The following TSPAN2 variants were observed in gnomAD, a reference collection of about 807,000 sequenced individuals.
TSPAN2 encodes tetraspanin 2.
In TSPAN2, 24 loss-of-function variants were observed where a neutral mutation model predicts 33.3. The ratio of observed to expected loss-of-function variants is 0.72; its 90% CI spans 0.52 to 1.01. TSPAN2 has a LOEUF of 1.01. Ranked by LOEUF, TSPAN2 falls within the 50% of genes least tolerant of loss-of-function variation. The pLI is 0.00. For missense variants in TSPAN2, 278 were observed against 281.3 expected (o/e 0.99, Z 0.08); for synonymous variants, 114 against 104.5 (o/e 1.09, Z -0.56).
chr1:115,079,865 A>T (rs897773595), intron 1 of TSPAN2, among the ~76,000 whole-genome samples: 6 of 152,254 alleles, frequency 3.9e-5, no homozygotes, highest in African/African-American at 1.4e-4. Flanking sequence ...AGGTAAGAGT[A>T]TATTTTATAA....
chr1:115,049,205 G>A lies in TSPAN2; in HGVS notation c.*1285C>T, dbSNP rs977070278. ...TGGGTTTACTAAGTTAAAATGAAGC[G>A]TTAAGACCAAAAAAACATTGAAAAT... On this transcript the variant is annotated 3_prime_UTR_variant, in exon 8 of 8. Transcript: ENST00000369516. The A allele has an allele frequency of 6.6e-6, 1 of 152,020 alleles. No homozygotes were observed. Among genetic ancestry groups the A allele is most frequent in the Admixed American group, 6.6e-5 (1 of 15,266 alleles). The allele number at this position is 152,020 out of a possible 1,614,324, so 9.4% of individuals were successfully genotyped here. A position where few individuals can be genotyped will look rare whatever the true frequency, so the allele number is the denominator to read the frequency against.
intron 1 of TSPAN2, among the ~76,000 whole-genome samples, chr1:115,081,625 C>T (rs983583262): frequency 2.0e-4 from 30 of 152,322 alleles, no homozygotes; most frequent in African/African-American, 7.0e-4. Context: ...GGGCAAGCCA[C>T]TTAACCTCTC....
At chr1:115,050,954 T>A (rs1372196445) in intron 7 of TSPAN2, among the ~76,000 whole-genome samples, 4 of 152,166 alleles carry the variant, frequency 2.6e-5, no homozygotes, top group Non-Finnish European at 4.4e-5. Flanking sequence ...ATGCTTGTGG[T>A]CTAAATAATT....
At chr1:115,067,086 A>G (rs981248355) in intron 2 of TSPAN2, among the ~76,000 whole-genome samples, 2 of 152,232 alleles carry the variant, frequency 1.3e-5, no homozygotes, top group South Asian at 4.1e-4. Context: ...CTGAGACACC[A>G]AGAAATTAAA....
intron 4 of TSPAN2, among the ~76,000 whole-genome samples, chr1:115,060,258 A>G (rs1266981415): frequency 6.6e-6 from 1 of 152,156 alleles, no homozygotes; most frequent in Non-Finnish European, 1.5e-5. Context: ...GAAGAGATGA[A>G]CTATCTCCCC....
chr1:115,084,192 A>G (rs527844243), intron 1 of TSPAN2, among the ~76,000 whole-genome samples: 380 of 152,340 alleles, frequency 2.5e-3, no homozygotes, highest in Non-Finnish European at 4.7e-3. Context: ...CTGATATGTT[A>G]TTATTTACTG....
intron 6 of TSPAN2, among the ~76,000 whole-genome samples, chr1:115,054,094 T>G (rs746328106): frequency 1.5e-4 from 23 of 152,212 alleles, no homozygotes; most frequent in Non-Finnish European, 2.6e-4. Context: ...AGGGCCTTCA[T>G]GGATGTGGGG....
intron 1 of TSPAN2, among the ~76,000 whole-genome samples, chr1:115,087,182 G>A (rs1360357921): frequency 2.0e-5 from 3 of 151,914 alleles, no homozygotes; most frequent in African/African-American, 7.3e-5. Flanking sequence ...GCCTCCTAAA[G>A]TGCTGGGATT....
intron 2 of TSPAN2, among the ~76,000 whole-genome samples, chr1:115,070,874 A>T (rs1223434096): frequency 6.6e-6 from 1 of 152,152 alleles, no homozygotes; most frequent in African/African-American, 2.4e-5. Context: ...TACAAGTTAC[A>T]TGGGGGCGGT....
At chr1:115,085,725 A>G (rs1451756278) in intron 1 of TSPAN2, among the ~76,000 whole-genome samples, 1 of 152,150 alleles carries the variant, frequency 6.6e-6, no homozygotes, top group African/African-American at 2.4e-5. Flanking sequence ...TCCCTCAGTT[A>G]CAGTGAAGGC....
At chr1:115,087,980 T>C (rs1273241618) in intron 1 of TSPAN2, among the ~76,000 whole-genome samples, 1 of 152,246 alleles carries the variant, frequency 6.6e-6, no homozygotes, top group African/African-American at 2.4e-5. Context: ...AGGTTGTCAC[T>C]GTGGCGTGAC....
At chr1:115,070,347 G>T (rs1165288633) in intron 2 of TSPAN2, among the ~76,000 whole-genome samples, 2 of 147,290 alleles carry the variant, frequency 1.4e-5, no homozygotes, top group Non-Finnish European at 3.0e-5. Context: ...ACCCTAATTT[G>T]TCCGGCCTGA....
intron 6 of TSPAN2, among the ~76,000 whole-genome samples, chr1:115,054,041 C>A (rs970767949): frequency 6.6e-6 from 1 of 152,128 alleles, no homozygotes; most frequent in Non-Finnish European, 1.5e-5. Context: ...AGTTCCTATC[C>A]TTTCATCTGT....
chr1:115,071,811 G>A (rs1410002201), intron 2 of TSPAN2, among the ~76,000 whole-genome samples: 1 of 152,234 alleles, frequency 6.6e-6, no homozygotes, highest in East Asian at 1.9e-4. Context: ...AGGATGCTGT[G>A]TGGGAAGAGT....
chr1:115,060,936 G>C (rs1647693631), intron 3 of TSPAN2, among the ~76,000 whole-genome samples: 1 of 152,178 alleles, frequency 6.6e-6, no homozygotes, highest in South Asian at 2.1e-4. Context: ...TATAAAATAA[G>C]GTCAGGAGAG....
rs1648564830 is a variant in TSPAN2 at position 115,080,029 on chromosome 1, C to A, written c.70-7022G>T. The stretch of plus-strand genomic sequence containing the variant: ...TTTGTTTAAATTGTTATAAAGTTAA[C>A]TTGCATGGGTCAACCAACATTGCTG... On this transcript the variant is annotated intron_variant, in intron 1 of 7. Transcript: ENST00000369516. Among the ~76,000 whole-genome samples, 2 of 152,192 alleles carry A rather than the reference C, an allele frequency of 1.3e-5. 1 individual carries two copies. The highest frequency in any genetic ancestry group is 4.1e-4 in the South Asian group (2 of 4,832).
At chr1:115,089,312 G>GCCCCCCCC in intron 1 of TSPAN2, 52 bp downstream of exon 1, 169 of 1,388,828 alleles carry the variant, frequency 1.2e-4, no homozygotes, top group Non-Finnish European at 1.5e-4. Flanking sequence ...CCGGCCCCGC[G>GCCCCCCCC]CCCGCCACCC....
intron 2 of TSPAN2, among the ~76,000 whole-genome samples, chr1:115,062,931 C>T (rs1240543079): frequency 6.6e-6 from 1 of 152,166 alleles, no homozygotes; most frequent in Non-Finnish European, 1.5e-5. Flanking sequence ...GCTCTGCTTC[C>T]TGCCCCACCC....
chr1:115,067,969 G>T lies in TSPAN2; in HGVS notation c.172+4936C>A, dbSNP rs146374097. Among the ~76,000 whole-genome samples the T allele has an allele frequency of 6.0e-3, 912 of 152,316 alleles. 13 individuals carry two copies. The highest frequency in any genetic ancestry group is 0.039 in the South Asian group (187 of 4,832). On this transcript the variant is annotated intron_variant, in intron 2 of 7. Coordinates refer to ENST00000369516, the MANE Select transcript of TSPAN2 (RefSeq NM_005725.6). ...TTGCTGGAATTTGGAAGACACGGGG[G>T]CTTCTCCCAAGAGTGCCCTGAAAGA... is the stretch of plus-strand genomic sequence containing the variant.
Sources: allele counts gnomAD v4.1 joint callset (sites outside exome capture counted in the v4.1 genomes callset), GRCh38; gene constraint gnomAD v4.1.1; transcripts MANE v1.5; gene names NCBI Gene and HGNC (gene_info 2026-07-23, HGNC 2026-07-21).